Variants in FHIT observed in about 807,000 individuals in gnomAD.
FHIT encodes bis(5'-adenosyl)-triphosphatase.
A neutral mutation model predicts 17.9 loss-of-function variants in FHIT; 19 were observed. The observed-to-expected ratio is 1.06, with a 90% CI of 0.74 to 1.56. The LOEUF (loss-of-function observed/expected upper bound fraction) is 1.56. FHIT is among the 40% of genes most tolerant of loss of function. The pLI is 0.00. For missense variants in FHIT, 248 were observed against 189.2 expected (o/e 1.31, Z -1.82); for synonymous variants, 81 against 69.7 (o/e 1.16, Z -0.81).
intron 8 of FHIT, among the ~76,000 whole-genome samples, chr3:59,773,049 C>T (rs1233515930): frequency 2.0e-5 from 3 of 152,228 alleles, no homozygotes; most frequent in African/African-American, 7.2e-5. Flanking sequence ...CAATGCTCAT[C>T]TCCCTCCTCT....
At chr3:60,085,770 T>C (rs1434756841) in intron 5 of FHIT, among the ~76,000 whole-genome samples, 4 of 152,232 alleles carry the variant, frequency 2.6e-5, no homozygotes, top group Non-Finnish European at 5.9e-5. Flanking sequence ...TGTTTATCTT[T>C]TGAGTTTCAG....
chr3:60,968,207 G>A (rs1709841553), intron 3 of FHIT, among the ~76,000 whole-genome samples: 1 of 152,284 alleles, frequency 6.6e-6, no homozygotes, highest in Non-Finnish European at 1.5e-5. Context: ...TCACATCTTA[G>A]CCCATGTAGT....
At chr3:59,990,936 A>T (rs1709202420) in intron 7 of FHIT, among the ~76,000 whole-genome samples, 1 of 2,620 alleles carries the variant, frequency 3.8e-4, no homozygotes, top group South Asian at 0.022. Flanking sequence ...TAATGTGGAA[A>T]GAAGGACTCT....
chr3:60,883,987 A>C (rs1181591576), intron 3 of FHIT, among the ~76,000 whole-genome samples: 4 of 152,234 alleles, frequency 2.6e-5, no homozygotes, highest in Non-Finnish European at 2.9e-5. Flanking sequence ...AATAACCAAA[A>C]TATATAAGGA....
intron 5 of FHIT, among the ~76,000 whole-genome samples, chr3:60,073,330 TACTC>T (rs753471751): frequency 6.6e-6 from 1 of 152,068 alleles, no homozygotes; most frequent in Non-Finnish European, 1.5e-5. Flanking sequence ...GGGATTGCCT[TACTC>T]ACTCACCTTG....
intron 4 of FHIT, among the ~76,000 whole-genome samples, chr3:60,614,245 A>C (rs2038872583): frequency 6.6e-6 from 1 of 152,144 alleles, no homozygotes; most frequent in African/African-American, 2.4e-5. Flanking sequence ...CATGTACAGA[A>C]ATGAGTAGAT....
chr3:61,161,133 C>T (rs1412672343), intron 2 of FHIT, among the ~76,000 whole-genome samples: 1 of 134,806 alleles, frequency 7.4e-6, no homozygotes, highest in African/African-American at 2.8e-5. Context: ...GAATCATCCA[C>T]AGTTAAAAAA....
chr3:60,246,242 A>G (rs1705389145), intron 5 of FHIT, among the ~76,000 whole-genome samples: 1 of 152,114 alleles, frequency 6.6e-6, no homozygotes, highest in East Asian at 1.9e-4. Flanking sequence ...ACTAAAATAA[A>G]AAGTCTACCT....
intron 8 of FHIT, among the ~76,000 whole-genome samples, chr3:59,848,403 T>C (rs557926709): frequency 6.6e-6 from 1 of 152,248 alleles, no homozygotes; most frequent in African/African-American, 2.4e-5. Context: ...TATATTTTAA[T>C]ATACCTATGT....
intron 8 of FHIT, among the ~76,000 whole-genome samples, chr3:59,855,031 T>C (rs1444932379): frequency 6.6e-6 from 1 of 152,212 alleles, no homozygotes; most frequent in Non-Finnish European, 1.5e-5. Context: ...ATCACAATTG[T>C]GGCCTCTGAA....
rs562536528 is a variant in FHIT at position 60,859,002 on chromosome 3, T to C, written c.-110-36991A>G. Among the ~76,000 whole-genome samples the C allele has an allele frequency of 2.6e-5, 4 of 152,332 alleles. 1 individual carries two copies. The highest frequency in any genetic ancestry group is 9.6e-5 in the African/African-American group (4 of 41,570). On this transcript the variant is annotated intron_variant, in intron 3 of 9. Coordinates refer to ENST00000492590, the MANE Select transcript of FHIT (RefSeq NM_002012.4). Reference sequence around the variant, plus strand: ...AGACAAAAACTTGGAATGCAATCTGTATATTGATATTCCCTAAAAAGGATT... The same window carrying C: ...AGACAAAAACTTGGAATGCAATCTGCATATTGATATTCCCTAAAAAGGATT...
chr3:60,796,107 T>G (rs187733599), intron 4 of FHIT, among the ~76,000 whole-genome samples: 3 of 152,226 alleles, frequency 2.0e-5, no homozygotes, highest in Admixed American at 2.0e-4. Flanking sequence ...ACTTATTCAC[T>G]ATCATGAGAA....
intron 7 of FHIT, among the ~76,000 whole-genome samples, chr3:59,975,630 T>TAA (rs1708376118): frequency 6.6e-6 from 1 of 151,782 alleles, no homozygotes; most frequent in Non-Finnish European, 1.5e-5. Flanking sequence ...AAAAAAACAT[T>TAA]AGAGAAAGAG....
At chr3:59,888,138 G>T (rs1703704497) in intron 8 of FHIT, among the ~76,000 whole-genome samples, 1 of 152,146 alleles carries the variant, frequency 6.6e-6, no homozygotes, top group South Asian at 2.1e-4. Flanking sequence ...AAAGAAGAAA[G>T]GAAGGAGTAT....
intron 5 of FHIT, among the ~76,000 whole-genome samples, chr3:60,054,366 G>C (rs939185282): frequency 6.6e-5 from 10 of 152,156 alleles, no homozygotes; most frequent in Non-Finnish European, 1.3e-4. Context: ...TGAAAGCGTT[G>C]AGGTCAGATT....
chr3:61,202,521 A>G (rs1004006968), intron 1 of FHIT, among the ~76,000 whole-genome samples: 24 of 152,096 alleles, frequency 1.6e-4, no homozygotes, highest in East Asian at 5.8e-4. Context: ...AAAAAAAAAA[A>G]AGAGAGAGAG....
At chr3:60,358,187 A>C (rs771724301) in intron 5 of FHIT, among the ~76,000 whole-genome samples, 12 of 152,248 alleles carry the variant, frequency 7.9e-5, no homozygotes, top group Non-Finnish European at 1.8e-4. Context: ...TAGCACCCTC[A>C]ACATAACAAG....
chr3:60,073,047 G>C (rs1240715254), intron 5 of FHIT, among the ~76,000 whole-genome samples: 1 of 152,116 alleles, frequency 6.6e-6, no homozygotes, highest in African/African-American at 2.4e-5. Context: ...TATCATCCAA[G>C]TTTGAAACTA....
At chr3:59,763,105 A>T (rs1701610384) in intron 8 of FHIT, among the ~76,000 whole-genome samples, 1 of 152,174 alleles carries the variant, frequency 6.6e-6, no homozygotes, top group Admixed American at 6.5e-5. Context: ...TCCTAGAGTG[A>T]TGTCAACCCA....
Sources: allele counts gnomAD v4.1 joint callset (sites outside exome capture counted in the v4.1 genomes callset), GRCh38; gene constraint gnomAD v4.1.1; transcripts MANE v1.5; gene names NCBI Gene and HGNC (gene_info 2026-07-23, HGNC 2026-07-21).